PGCKA1: variants seen among roughly 807,000 people sequenced by gnomAD.
The protein encoded by PGCKA1 is PDCD10 and GCKIII kinases associated 1.
chr4:37,531,912 AGAAT>A, the PGCKA1 span, among the ~76,000 whole-genome samples: 4 of 149,660 alleles, frequency 2.7e-5, no homozygotes, highest in Non-Finnish European at 5.9e-5. Context: ...AAAAAAAAAA[AGAAT>A]GAAGTAAAGA....
At chr4:37,508,227 C>T in the PGCKA1 span, among the ~76,000 whole-genome samples, 1 of 152,012 alleles carries the variant, frequency 6.6e-6, no homozygotes, top group Non-Finnish European at 1.5e-5. Flanking sequence ...ATTCTATAAC[C>T]TTCTTACACT....
At chr4:37,571,494 C>G in the PGCKA1 span, among the ~76,000 whole-genome samples, 6,569 of 150,710 alleles carry the variant, frequency 0.044, 365 homozygotes, top group African/African-American at 0.13. Flanking sequence ...TCCCGAGTGG[C>G]TGGGATTACA....
the PGCKA1 span, chr4:37,460,457 G>A: frequency 5.0e-6 from 2 of 401,290 alleles, no homozygotes. Flanking sequence ...CCCACCACCA[G>A]TGTTAAAGTG....
the PGCKA1 span, among the ~76,000 whole-genome samples, chr4:37,554,209 T>A: frequency 2.6e-5 from 4 of 152,192 alleles, no homozygotes; most frequent in Admixed American, 2.0e-4. Flanking sequence ...CCATCCGCCA[T>A]GATTGTGAGG....
the PGCKA1 span, among the ~76,000 whole-genome samples, chr4:37,572,063 C>CT: frequency 0.088 from 7,902 of 89,776 alleles, 545 homozygotes; most frequent in Middle Eastern, 0.19. Context: ...TTTTTTTTTT[C>CT]TTTTTTTTTT....
At chr4:37,574,061 GC>G in the PGCKA1 span, among the ~76,000 whole-genome samples, 1 of 146,468 alleles carries the variant, frequency 6.8e-6, no homozygotes, top group Non-Finnish European at 1.5e-5. Flanking sequence ...GGTGGCACGT[GC>G]CTGTAATCCC....
the PGCKA1 span, among the ~76,000 whole-genome samples, chr4:37,490,216 A>G: frequency 2.2e-4 from 34 of 152,178 alleles, no homozygotes; most frequent in Admixed American, 4.6e-4. Context: ...AATAGGTATT[A>G]ATATCCCCCA....
the PGCKA1 span, among the ~76,000 whole-genome samples, chr4:37,529,586 C>G: frequency 1.3e-5 from 2 of 152,228 alleles, no homozygotes; most frequent in African/African-American, 4.8e-5. Context: ...ATCTCTTCCT[C>G]AAGATTTTAT....
chr4:37,542,358 G>A, the PGCKA1 span, among the ~76,000 whole-genome samples: 52 of 152,292 alleles, frequency 3.4e-4, no homozygotes, highest in African/African-American at 1.2e-3. Flanking sequence ...TAGTTCAGGG[G>A]TGGCTCCACT....
At chr4:37,460,116 T>C in the PGCKA1 span, among the ~76,000 whole-genome samples, 1 of 152,172 alleles carries the variant, frequency 6.6e-6, no homozygotes, top group African/African-American at 2.4e-5. Flanking sequence ...GTTAGTTTGC[T>C]GAGGATGATG....
the PGCKA1 span, among the ~76,000 whole-genome samples, chr4:37,530,650 C>A: frequency 6.7e-6 from 1 of 149,762 alleles, no homozygotes; most frequent in Non-Finnish European, 1.5e-5. Flanking sequence ...CTGGGCTTTT[C>A]TCAAACCCAC....
the PGCKA1 span, among the ~76,000 whole-genome samples, chr4:37,536,600 G>A: frequency 1.3e-5 from 2 of 152,132 alleles, no homozygotes; most frequent in South Asian, 2.1e-4. Flanking sequence ...GCATGCCTAG[G>A]TTTCTCATCA....
chr4:37,531,419 G>T, the PGCKA1 span, among the ~76,000 whole-genome samples: 7 of 152,130 alleles, frequency 4.6e-5, no homozygotes, highest in Non-Finnish European at 7.4e-5. Context: ...GAGGTTAGTG[G>T]TATGTGGCTG....
the PGCKA1 span, among the ~76,000 whole-genome samples, chr4:37,469,158 G>A: frequency 1.3e-5 from 2 of 152,186 alleles, no homozygotes; most frequent in African/African-American, 4.8e-5. Flanking sequence ...TAGCCTAGCT[G>A]TGTAGTAGGC....
At chr4:37,486,513 G>A in the PGCKA1 span, among the ~76,000 whole-genome samples, 1 of 152,114 alleles carries the variant, frequency 6.6e-6, no homozygotes, top group Non-Finnish European at 1.5e-5. Flanking sequence ...TTCAAGCACC[G>A]AGCCTTTGTC....
the PGCKA1 span, among the ~76,000 whole-genome samples, chr4:37,480,736 G>A: frequency 2.0e-5 from 3 of 152,322 alleles, no homozygotes; most frequent in East Asian, 5.8e-4. Context: ...GCATCTTCCC[G>A]CCCCAAGGGG....
chr4:37,581,536 C>G, the PGCKA1 span, among the ~76,000 whole-genome samples: 1 of 152,152 alleles, frequency 6.6e-6, no homozygotes, highest in Non-Finnish European at 1.5e-5. The surrounding 1 kb of genome is among the most constrained non-coding windows in gnomAD (Gnocchi z 4.4). Flanking sequence ...TAAATGTCAT[C>G]TAGGAGCTGG....
chr4:37,458,045 T>C, the PGCKA1 span, among the ~76,000 whole-genome samples: 1 of 152,156 alleles, frequency 6.6e-6, no homozygotes, highest in Non-Finnish European at 1.5e-5. Context: ...AAGTACTGCC[T>C]TTTGGTAAAA....
chr4:37,580,978 C>A, the PGCKA1 span, among the ~76,000 whole-genome samples: 1 of 152,118 alleles, frequency 6.6e-6, no homozygotes, highest in Non-Finnish European at 1.5e-5. Context: ...TTCTTCCCTC[C>A]CCTTTTCCCA....
Sources: allele counts gnomAD v4.1 joint callset (sites outside exome capture counted in the v4.1 genomes callset), GRCh38; gene constraint gnomAD v4.1.1; non-coding constraint Gnocchi (gnomAD v3.1); transcripts MANE v1.5; gene names NCBI Gene and HGNC (gene_info 2026-07-23, HGNC 2026-07-21).